GNL3: variants seen among roughly 807,000 people sequenced by gnomAD.
The protein encoded by GNL3 is guanine nucleotide-binding protein-like 3.
Under a neutral mutation model 70.6 loss-of-function variants are expected in GNL3, and 77 were observed. The ratio of observed to expected loss-of-function variants is 1.09; its 90% CI spans 0.91 to 1.32. The LOEUF is 1.32. GNL3 is among the 40% of genes most tolerant of loss of function. The pLI is 0.00. For synonymous variants in GNL3, 252 were observed against 216.1 expected, an observed-to-expected ratio of 1.17 and a Z score of -1.46; for missense variants, 634 against 644.0, an observed-to-expected ratio of 0.98 and a Z score of 0.17.
At chr3:52,692,627 A>T in intron 9 of GNL3, 1 of 593,232 alleles carries the variant, frequency 1.7e-6, no homozygotes, top group East Asian at 3.5e-5. Flanking sequence ...AGAAGGTGGC[A>T]TATTTATAGC....
Position 52,687,561 on chromosome 3 carries a change from A to G in GNL3, c.270A>G (p.Arg90=). 1 of 1,613,584 alleles carries G rather than the reference A, an allele frequency of 6.2e-7. No individual in the cohort carries two copies. Among genetic ancestry groups the G allele is most frequent in the East Asian group, 2.2e-5 (1 of 44,882 alleles). The part of the protein sequence containing the change: ...LDRQKELEKK[R]KLETNPDIKP... ...GGCAGAAGGAACTAGAAAAGAAAAG[A>G]AAACTTGAAACTAATCCTGATATTA... Residue 90 remains arginine, a synonymous_variant, in exon 4 of 15, where the codon AGA becomes AGG. Coordinates refer to ENST00000418458, the MANE Select transcript of GNL3 (RefSeq NM_014366.5).
chr3:52,691,146 C>T, intron 8 of GNL3, 75 bp downstream of exon 8: 1 of 1,328,462 alleles, frequency 7.5e-7, no homozygotes, highest in South Asian at 1.2e-5. Context: ...CTCCAAGTGC[C>T]CAAGCAGCAG....
In GNL3 at chr3:52,694,042, C is replaced by G. The variant is rs151237641; in HGVS notation, c.1506C>G (p.Asn502Lys). ...QETVDEEVDE[N>K]SSGMFAAEET... The stretch of plus-strand genomic sequence containing the variant: ...TATTTTTCTTTGTCACACAGGAAAA[C>G]AGCTCAGGCATGTTTGCTGCAGAAG... Residue 502 changes from asparagine to lysine, a missense_variant, in exon 14 of 15, where the codon AAC (asparagine) becomes AAG (lysine). Coordinates refer to ENST00000418458, the MANE Select transcript of GNL3 (RefSeq NM_014366.5). 7.5e-4 allele frequency: 1,214 copies of G among 1,613,298 alleles called. 1 individual carries two copies. Among genetic ancestry groups the G allele is most frequent in the Non-Finnish European group, 9.8e-4 (1,161 of 1,179,224 alleles).
intron 9 of GNL3, among the ~76,000 whole-genome samples, chr3:52,691,890 C>T (rs2097327696): frequency 6.6e-6 from 1 of 152,100 alleles, no homozygotes; most frequent in East Asian, 1.9e-4. Flanking sequence ...TTAATAGAGA[C>T]GGGTTTCTCC....
In GNL3 at chr3:52,686,881, C is replaced by T. The variant is rs1046944611; in HGVS notation, c.72+54C>T. The T allele has an allele frequency of 3.7e-6, 5 of 1,347,710 alleles. No homozygotes were observed. The African/African-American group carries it at 5.8e-5, about 16-fold the overall frequency. 83.5% of individuals were successfully genotyped at this position (1,347,710 alleles called of 1,614,324 possible). A position where few individuals can be genotyped will look rare whatever the true frequency, so the allele number is the denominator to read the frequency against. On this transcript the variant is annotated intron_variant, in intron 2 of 14. Coordinates refer to ENST00000418458, the MANE Select transcript of GNL3 (RefSeq NM_014366.5). ...CAAACACATTGCTAAACTGATTTTG[C>T]CCTGTTCCTTTGCGGGAAAGTCTGG...
Position 52,689,148 on chromosome 3 carries a change from A to C in GNL3, c.483A>C (p.Val161=). ...CTCTTGGTTGCAGATGTCCTCAGGT[A>C]GAAGAGGCCATTGTCCAGAGTGGAC... ...RDPLGCRCPQ[V]EEAIVQSGQK... is the part of the protein sequence containing the mutation. The change falls in exon 6 of 15, where the codon GTA becomes GTC. Residue 161 remains valine, a synonymous_variant. Coordinates refer to ENST00000418458, the MANE Select transcript of GNL3 (RefSeq NM_014366.5). The C allele has an allele frequency of 2.5e-6, 4 of 1,612,662 alleles. No homozygotes were observed. The highest frequency in any genetic ancestry group is 3.4e-6 in the Non-Finnish European group (4 of 1,178,650).
In GNL3 at chr3:52,686,880, G is replaced by A. The variant is rs2097315516; in HGVS notation, c.72+53G>A. 9.6e-6 allele frequency: 13 copies of A among 1,354,326 alleles called. No individual in the cohort carries two copies. In the South Asian group the frequency reaches 1.5e-4, roughly 16 times the overall value. 83.9% of individuals were successfully genotyped at this position (1,354,326 alleles called of 1,614,324 possible). A position where few individuals can be genotyped will look rare whatever the true frequency, so the allele number is the denominator to read the frequency against. On this transcript the variant is annotated intron_variant, in intron 2 of 14. Coordinates refer to ENST00000418458, the MANE Select transcript of GNL3 (RefSeq NM_014366.5). ...CCAAACACATTGCTAAACTGATTTT[G>A]CCCTGTTCCTTTGCGGGAAAGTCTG...
chr3:52,692,174 A>T (rs1364427409), intron 9 of GNL3, among the ~76,000 whole-genome samples: 3 of 152,118 alleles, frequency 2.0e-5, no homozygotes, highest in Non-Finnish European at 4.4e-5. Context: ...TGAGAAATTA[A>T]TAGAAATTTG....
In GNL3 at chr3:52,694,039, A is replaced by C. The variant is rs145978365; in HGVS notation, c.1503A>C (p.Glu501Asp). The C allele has an allele frequency of 2.2e-4, 347 of 1,613,492 alleles. No homozygotes were observed. The African/African-American group carries it at 3.8e-3, about 18-fold the overall frequency. The change falls in exon 14 of 15, where the codon GAA becomes GAC. Residue 501 changes from glutamate to aspartate, a missense_variant and splice_region_variant. Coordinates refer to ENST00000418458, the MANE Select transcript of GNL3 (RefSeq NM_014366.5). ...CACTATTTTTCTTTGTCACACAGGAAAACAGCTCAGGCATGTTTGCTGCAG... is the reference window on the plus strand; with the variant it reads ...CACTATTTTTCTTTGTCACACAGGACAACAGCTCAGGCATGTTTGCTGCAG... ...DQETVDEEVD[E>D]NSSGMFAAEE...
chr3:52,692,839 A>G (rs2097328660), intron 9 of GNL3, 33 bp from the exon 10 acceptor site: 1 of 1,567,416 alleles, frequency 6.4e-7, no homozygotes, highest in African/African-American at 1.3e-5. Flanking sequence ...AAATAGACCA[A>G]TGCCCCCATC....
chr3:52,686,206 T>TG, intron 1 of GNL3, 101 bp downstream of exon 1: 1 of 1,323,256 alleles, frequency 7.6e-7, no homozygotes, highest in Non-Finnish European at 1.1e-6. Flanking sequence ...TCTGCTGGTA[T>TG]GGGGGTGGGA....
chr3:52,690,529 C>G, intron 6 of GNL3, 63 bp from the exon 7 acceptor site: 1 of 885,138 alleles, frequency 1.1e-6, no homozygotes, highest in Non-Finnish European at 1.9e-6. Flanking sequence ...TCCCAAAGTG[C>G]TGGGATTACA....
chr3:52,689,322 C>T (rs538079052), intron 6 of GNL3, 116 bp downstream of exon 6: 27 of 1,008,056 alleles, frequency 2.7e-5, no homozygotes, highest in East Asian at 1.4e-4. Flanking sequence ...AGCCAGAGTA[C>T]GTGCACTTTG....
At position 52,690,484 on chromosome 3, in the gene GNL3, T is replaced by C. The variant is rs181735245; in HGVS notation, c.542-108T>C. The C allele has an allele frequency of 1.0e-5, 7 of 672,530 alleles. No individual in the cohort carries two copies. The South Asian group carries it at 1.1e-4, about 11-fold the overall frequency. 41.7% of individuals were successfully genotyped at this position (672,530 alleles called of 1,614,324 possible). Reference sequence around the variant, plus strand: ...TTTATCGTGTTAGCCAGGATGGTCTTGATCTCCTGAACTCGTGATCCGCCT... The same window carrying C: ...TTTATCGTGTTAGCCAGGATGGTCTCGATCTCCTGAACTCGTGATCCGCCT... On this transcript the variant is annotated intron_variant, in intron 6 of 14. Coordinates refer to ENST00000418458, the MANE Select transcript of GNL3 (RefSeq NM_014366.5).
chr3:52,692,404 G>C (rs1452320007), intron 9 of GNL3, among the ~76,000 whole-genome samples: 2 of 132,760 alleles, frequency 1.5e-5, no homozygotes, highest in African/African-American at 5.8e-5. Flanking sequence ...CTGTCTCCCA[G>C]GCTGGAGTAC....
Position 52,690,488 on chromosome 3 carries a change from C to T in GNL3, c.542-104C>T, listed in dbSNP as rs576995549. The T allele has an allele frequency of 3.8e-5, 26 of 684,948 alleles. No individual in the cohort carries two copies. The African/African-American group carries it at 3.9e-4, about 10-fold the overall frequency. The allele number at this position is 684,948 out of a possible 1,614,324, so 42.4% of individuals were successfully genotyped here. A position where few individuals can be genotyped will look rare whatever the true frequency, so the allele number is the denominator to read the frequency against. On this transcript the variant is annotated intron_variant, in intron 6 of 14. Transcript: ENST00000418458. Reference sequence around the variant, plus strand: ...TCGTGTTAGCCAGGATGGTCTTGATCTCCTGAACTCGTGATCCGCCTGTCT... The same window carrying T: ...TCGTGTTAGCCAGGATGGTCTTGATTTCCTGAACTCGTGATCCGCCTGTCT...
At chr3:52,693,165 T>A (rs2097329015) in intron 10 of GNL3, 22 bp from the exon 11 acceptor site, 4 of 1,592,886 alleles carry the variant, frequency 2.5e-6, no homozygotes, top group Non-Finnish European at 3.4e-6. Context: ...GGACAGCTCC[T>A]TTGTTTGGTT....
In GNL3 at chr3:52,693,299, C is replaced by T; in HGVS notation, c.1157C>T (p.Ala386Val). Residue 386 changes from alanine to valine, a missense_variant, in exon 11 of 15, where the codon GCT (alanine) becomes GTT (valine). Transcript: ENST00000418458. The stretch of plus-strand genomic sequence containing the variant: ...GGTGGAATCCCAAATGTTGAAGGTG[C>T]TGCCAAACTGCTGTGGTCTGAGTGG... ...QKGGIPNVEGAAKLLWSEWTG... is the reference protein window; with the variant it reads ...QKGGIPNVEGVAKLLWSEWTG... The T allele has an allele frequency of 6.2e-7, 1 of 1,614,092 alleles. No individual in the cohort carries two copies. The highest frequency in any genetic ancestry group is 8.5e-7 in the Non-Finnish European group (1 of 1,180,010).
At chr3:52,691,242 T>C in intron 8 of GNL3, 171 bp downstream of exon 8, 1 of 641,012 alleles carries the variant, frequency 1.6e-6, no homozygotes, top group Non-Finnish European at 2.7e-6. Flanking sequence ...CCACACACAA[T>C]TTAAAGAAAA....
Sources: allele counts gnomAD v4.1 joint callset (sites outside exome capture counted in the v4.1 genomes callset), GRCh38; gene constraint gnomAD v4.1.1; transcripts MANE v1.5; gene names NCBI Gene and HGNC (gene_info 2026-07-23, HGNC 2026-07-21).